The following TEAD1 variants were observed in gnomAD, a reference collection of about 807,000 sequenced individuals.
The protein encoded by TEAD1 is TEA domain transcription factor 1.
In TEAD1, 9 loss-of-function variants were observed where a neutral mutation model predicts 54.9. That is an observed-to-expected ratio of 0.16 (90% confidence interval 0.10 to 0.29). The LOEUF is 0.29. Ranked by LOEUF, TEAD1 falls within the 10% of genes least tolerant of loss-of-function variation. The pLI is 1.00. For synonymous variants in TEAD1, 200 were observed against 187.8 expected (o/e 1.07, Z -0.53); for missense variants, 387 against 535.9 (o/e 0.72, Z 2.74).
chr11:12,729,852 A>G (rs1296905725), intron 2 of TEAD1, among the ~76,000 whole-genome samples: 5 of 152,222 alleles, frequency 3.3e-5, no homozygotes, highest in East Asian at 1.9e-4. Flanking sequence ...TGCTCTCCTC[A>G]TATCTTATGA....
chr11:12,708,063 C>G (rs1176837904), intron 2 of TEAD1, among the ~76,000 whole-genome samples: 1 of 151,160 alleles, frequency 6.6e-6, no homozygotes, highest in Non-Finnish European at 1.5e-5. Flanking sequence ...TTTGGCAGTT[C>G]CCAAAGTCCC....
At chr11:12,700,549 G>A (rs781735671) in intron 2 of TEAD1, among the ~76,000 whole-genome samples, 17 of 152,200 alleles carry the variant, frequency 1.1e-4, no homozygotes, top group South Asian at 4.1e-4. Flanking sequence ...CGAGTTTTGC[G>A]TATATTTTAG....
In TEAD1 at chr11:12,870,459, C is replaced by T. The variant is rs77213666; in HGVS notation, c.330+5559C>T. 4.3e-4 allele frequency among the ~76,000 whole-genome samples: 65 copies of T among 149,992 alleles called. 2 individuals are homozygous for T. The East Asian group carries it at 0.012, about 27-fold the overall frequency. On this transcript the variant is annotated intron_variant, in intron 5 of 12. Transcript: ENST00000527636. ...AGACTGAAGCTGAGATTCAAGAGCTCGGTAAGATGGAAAAAAGAAAAAAAA... is the reference window on the plus strand; with the variant it reads ...AGACTGAAGCTGAGATTCAAGAGCTTGGTAAGATGGAAAAAAGAAAAAAAA...
At chr11:12,849,648 A>G (rs1282401797) in intron 3 of TEAD1, among the ~76,000 whole-genome samples, 1 of 152,220 alleles carries the variant, frequency 6.6e-6, no homozygotes, top group Non-Finnish European at 1.5e-5. Context: ...TCTTCTGGTG[A>G]TAGTTGTTTT....
chr11:12,883,451 A>G (rs1320273313), intron 9 of TEAD1, among the ~76,000 whole-genome samples: 1 of 152,292 alleles, frequency 6.6e-6, no homozygotes, highest in South Asian at 2.1e-4. Context: ...GAGCCTTGCC[A>G]TATGCCTGGT....
At chr11:12,846,937 T>G (rs1947165583) in intron 3 of TEAD1, among the ~76,000 whole-genome samples, 1 of 152,220 alleles carries the variant, frequency 6.6e-6, no homozygotes, top group Admixed American at 6.5e-5. Flanking sequence ...GCTTCCTCTT[T>G]GATTTCTTGG....
chr11:12,842,103 A>C (rs570273054), intron 3 of TEAD1, among the ~76,000 whole-genome samples: 2 of 152,352 alleles, frequency 1.3e-5, no homozygotes, highest in South Asian at 4.1e-4. Context: ...GGCAAATGTG[A>C]ATCATGGGAA....
At chr11:12,804,604 C>T (rs1369243662) in intron 3 of TEAD1, among the ~76,000 whole-genome samples, 1 of 152,146 alleles carries the variant, frequency 6.6e-6, no homozygotes, top group Non-Finnish European at 1.5e-5. Context: ...TGTGCGATCA[C>T]AGTAAGTTTG....
At chr11:12,884,326 T>C (rs1343732749) in intron 9 of TEAD1, among the ~76,000 whole-genome samples, 1 of 152,208 alleles carries the variant, frequency 6.6e-6, no homozygotes, top group African/African-American at 2.4e-5. Flanking sequence ...AGTTTGTCTC[T>C]GAGATCCTCA....
chr11:12,826,713 C>A (rs1330223631), intron 3 of TEAD1, among the ~76,000 whole-genome samples: 1 of 152,138 alleles, frequency 6.6e-6, no homozygotes, highest in African/African-American at 2.4e-5. Context: ...TTGCTTTGAG[C>A]ATCAAATGAA....
intron 10 of TEAD1, among the ~76,000 whole-genome samples, chr11:12,908,723 A>C (rs1262494149): frequency 6.6e-6 from 1 of 152,196 alleles, no homozygotes; most frequent in Non-Finnish European, 1.5e-5. Flanking sequence ...ACAGTTGGGA[A>C]TATATAATTT....
intron 2 of TEAD1, among the ~76,000 whole-genome samples, chr11:12,683,841 T>C (rs1221260034): frequency 6.6e-6 from 1 of 152,074 alleles, no homozygotes. Flanking sequence ...ATAATGTGGG[T>C]TCAAAATCAC....
intron 3 of TEAD1, among the ~76,000 whole-genome samples, chr11:12,817,880 C>T (rs1946448572): frequency 6.6e-6 from 1 of 152,204 alleles, no homozygotes; most frequent in Non-Finnish European, 1.5e-5. Flanking sequence ...ATTTAATGCC[C>T]ACAATGCAGC....
At chr11:12,784,594 C>T (rs1530186) in intron 3 of TEAD1, among the ~76,000 whole-genome samples, 148,341 of 152,276 alleles carry the variant, frequency 0.97, 72,385 homozygotes, top group Middle Eastern at 1. Flanking sequence ...TCTGAATTCA[C>T]GTATGTTTAC....
At chr11:12,894,549 T>TTTGG in intron 9 of TEAD1, among the ~76,000 whole-genome samples, 1 of 152,188 alleles carries the variant, frequency 6.6e-6, no homozygotes, top group Non-Finnish European at 1.5e-5. Context: ...GAACAGACTT[T>TTTGG]GCATGCCTTA....
chr11:12,682,325 A>G (rs1373577805), intron 2 of TEAD1, among the ~76,000 whole-genome samples: 1 of 152,230 alleles, frequency 6.6e-6, no homozygotes, highest in Admixed American at 6.5e-5. Context: ...AAAATGAACC[A>G]GAACCACCTT....
At chr11:12,689,352 C>T (rs552512553) in intron 2 of TEAD1, among the ~76,000 whole-genome samples, 5 of 152,298 alleles carry the variant, frequency 3.3e-5, no homozygotes, top group South Asian at 2.1e-4. Context: ...CATTCTCATC[C>T]GCATTATGCT....
At chr11:12,881,524 T>C (rs1332419236) in intron 7 of TEAD1, among the ~76,000 whole-genome samples, 3 of 152,320 alleles carry the variant, frequency 2.0e-5, no homozygotes, top group Middle Eastern at 3.4e-3. Context: ...ACCTTGCCTA[T>C]ATGCTGTAAA....
chr11:12,916,375 G>T lies in TEAD1; in HGVS notation c.874-8537G>T, dbSNP rs76438953. The stretch of plus-strand genomic sequence containing the variant: ...TGGCTCCATGGTGACAGTCTTTATC[G>T]TGTTTATTGATTACAGACTCTTGTC... On this transcript the variant is annotated intron_variant, in intron 10 of 12. Coordinates refer to ENST00000527636, the MANE Select transcript of TEAD1 (RefSeq NM_021961.6). 5.3e-5 allele frequency among the ~76,000 whole-genome samples: 8 copies of T among 152,238 alleles called. No individual in the cohort carries two copies. In the East Asian group the frequency reaches 1.5e-3, roughly 29 times the overall value.
Sources: gnomAD v4.1 joint callset for allele counts (sites outside exome capture counted in the v4.1 genomes callset) on GRCh38, gnomAD v4.1.1 for gene constraint, MANE v1.5 for transcripts, NCBI Gene and HGNC (gene_info 2026-07-23, HGNC 2026-07-21) for gene names.